The following DOCK4 variants were observed in gnomAD, a reference collection of about 807,000 sequenced individuals.
The protein encoded by DOCK4 is dedicator of cytokinesis 4, also known as dedicator of cytokinesis protein 4.
A neutral mutation model predicts 268.1 loss-of-function variants in DOCK4; 97 were observed. The ratio of observed to expected loss-of-function variants is 0.36; its 90% CI spans 0.31 to 0.43. The LOEUF (loss-of-function observed/expected upper bound fraction) is 0.43, where lower values mean the gene tolerates loss of function less well. Ranked by LOEUF, DOCK4 falls within the 20% of genes least tolerant of loss-of-function variation. DOCK4 has a pLI of 1.00. For missense variants in DOCK4, 2,145 were observed against 2,455.7 expected (o/e 0.87, Z 2.67); for synonymous variants, 954 against 887.2 (o/e 1.08, Z -1.34).
intron 39 of DOCK4, 86 bp from the exon 40 acceptor site, chr7:111,760,408 T>G: frequency 1.5e-6 from 2 of 1,370,596 alleles, no homozygotes; most frequent in South Asian, 2.6e-5. Flanking sequence ...TGGCAGTAAC[T>G]GACCACATGC....
At chr7:111,747,206 A>C in intron 43 of DOCK4, 61 bp downstream of exon 43, 2 of 1,524,820 alleles carry the variant, frequency 1.3e-6, no homozygotes, top group Non-Finnish European at 1.8e-6. Flanking sequence ...AAAAAGATTC[A>C]TGAAACCCTA....
chr7:111,837,375 T>A (rs892896849), intron 25 of DOCK4, among the ~76,000 whole-genome samples: 2 of 152,196 alleles, frequency 1.3e-5, no homozygotes, highest in Non-Finnish European at 2.9e-5. Flanking sequence ...TCACCACCTC[T>A]ATTCAACATT....
In DOCK4 at chr7:111,998,482, C is replaced by T. The variant is rs147439564; in HGVS notation, c.184G>A (p.Val62Ile). Reference protein sequence around the residue: ...NIKGIFPSSYVHLKNACVKNK... With the variant: ...NIKGIFPSSYIHLKNACVKNK... ...TTTACACAGGCATTTTTCAAGTGAA[C>T]GTAGCTGGAAGGAAATATACCCTGG... is the stretch of plus-strand genomic sequence containing the variant. Residue 62 changes from valine (V) to isoleucine (I), a missense_variant, in exon 4 of 53, where the codon GTT (valine) becomes ATT (isoleucine). Physicochemically the swap from Val to Ile is conservative, Grantham distance 29 (BLOSUM62 3). Transcript: ENST00000428084. The T allele has an allele frequency of 5.1e-5, 81 of 1,590,192 alleles. 1 individual carries two copies. In the African/African-American group the frequency reaches 9.4e-4, roughly 18 times the overall value.
At position 111,863,437 on chromosome 7, in the gene DOCK4, G is replaced by C; in HGVS notation, c.2408C>G (p.Ser803Cys). ...SLPTILHVDD[S>C]LQAIKLQCIG... Reference sequence around the variant, plus strand: ...GCACTGCAGTTTGATGGCCTGCAGGGAATCATCCACATGCAGGATGGTCGG... The same window carrying C: ...GCACTGCAGTTTGATGGCCTGCAGGCAATCATCCACATGCAGGATGGTCGG... Residue 803 changes from serine to cysteine, a missense_variant, in exon 23 of 53, where the codon TCC becomes TGC. Ser to Cys is a moderately radical substitution (Grantham distance 112). Coordinates refer to ENST00000428084, the MANE Select transcript of DOCK4 (RefSeq NM_001363540.2). The C allele has an allele frequency of 6.2e-6, 10 of 1,614,028 alleles. No individual in the cohort carries two copies. The highest frequency in any genetic ancestry group is 8.5e-6 in the Non-Finnish European group (10 of 1,179,888).
intron 44 of DOCK4, among the ~76,000 whole-genome samples, chr7:111,744,082 C>T (rs1796109299): frequency 6.6e-6 from 1 of 152,132 alleles, no homozygotes; most frequent in Non-Finnish European, 1.5e-5. Flanking sequence ...ACCTCTGGAC[C>T]TTTAATGGTC....
At chr7:111,732,110 T>A in intron 52 of DOCK4, 116 bp downstream of exon 52, 2 of 1,037,704 alleles carry the variant, frequency 1.9e-6, no homozygotes, top group Non-Finnish European at 2.8e-6. Flanking sequence ...CCCTGATTGA[T>A]AAGTTCTTTG....
chr7:111,771,657 T>C (rs1798132928), intron 36 of DOCK4, among the ~76,000 whole-genome samples: 1 of 152,218 alleles, frequency 6.6e-6, no homozygotes, highest in African/African-American at 2.4e-5. Context: ...GATGATTTCC[T>C]GATGTTTAAT....
chr7:111,753,832 C>T (rs1008105637), intron 42 of DOCK4, among the ~76,000 whole-genome samples: 1 of 152,156 alleles, frequency 6.6e-6, no homozygotes, highest in Non-Finnish European at 1.5e-5. Flanking sequence ...GGGCTGTGTT[C>T]AGGGAACAAA....
chr7:112,020,685 TAAAAAA>T (rs58803593), intron 1 of DOCK4, among the ~76,000 whole-genome samples: 2 of 116,918 alleles, frequency 1.7e-5, no homozygotes, highest in Non-Finnish European at 1.8e-5. Context: ...ACCCTAAAAG[TAAAAAA>T]AAAAAAAAAA....
chr7:112,097,384 A>G (rs963577293), intron 1 of DOCK4, among the ~76,000 whole-genome samples: 1 of 151,918 alleles, frequency 6.6e-6, no homozygotes, highest in African/African-American at 2.4e-5. Context: ...AACCAGACTG[A>G]GCAATGTAGT....
intron 38 of DOCK4, among the ~76,000 whole-genome samples, chr7:111,766,713 C>A (rs1797781274): frequency 6.6e-6 from 1 of 152,140 alleles, no homozygotes; most frequent in Non-Finnish European, 1.5e-5. Flanking sequence ...TATATTGTTA[C>A]AGAAACTTAT....
At chr7:111,880,555 A>G (rs1257973368) in intron 16 of DOCK4, among the ~76,000 whole-genome samples, 1 of 152,190 alleles carries the variant, frequency 6.6e-6, no homozygotes, top group Non-Finnish European at 1.5e-5. Flanking sequence ...AAAAACACAG[A>G]ATAGTATAAT....
At chr7:111,942,882 T>G (rs2134787429) in intron 10 of DOCK4, among the ~76,000 whole-genome samples, 1 of 152,318 alleles carries the variant, frequency 6.6e-6, no homozygotes, top group East Asian at 1.9e-4. Context: ...GTTCCACCTG[T>G]GAGAGGCACC....
chr7:111,997,267 C>G (rs1800043659), intron 4 of DOCK4, among the ~76,000 whole-genome samples: 1 of 152,150 alleles, frequency 6.6e-6, no homozygotes, highest in Non-Finnish European at 1.5e-5. Flanking sequence ...TGCACACTTC[C>G]AAAGGACACA....
At chr7:111,961,431 TAGTG>T (rs1796885976) in intron 8 of DOCK4, among the ~76,000 whole-genome samples, 1 of 152,210 alleles carries the variant, frequency 6.6e-6, no homozygotes, top group South Asian at 2.1e-4. Context: ...CATGCTTTCA[TAGTG>T]AGTGAATGAA....
chr7:111,777,487 C>T (rs1798521139), intron 36 of DOCK4, among the ~76,000 whole-genome samples: 1 of 152,172 alleles, frequency 6.6e-6, no homozygotes, highest in African/African-American at 2.4e-5. Context: ...ATAGGTCTGA[C>T]TATTGAAAGG....
intron 1 of DOCK4, among the ~76,000 whole-genome samples, chr7:112,050,151 G>A (rs1261898732): frequency 6.6e-6 from 1 of 152,092 alleles, no homozygotes; most frequent in Non-Finnish European, 1.5e-5. Context: ...CCTTCTAAAA[G>A]GAGACATTCA....
chr7:111,742,719 C>T (rs752548530), intron 44 of DOCK4, among the ~76,000 whole-genome samples: 26 of 152,300 alleles, frequency 1.7e-4, no homozygotes, highest in Non-Finnish European at 3.2e-4. Context: ...CCTGGCCAGG[C>T]GCGGTGGCTC....
At chr7:112,162,353 A>C (rs1817204716) in intron 1 of DOCK4, among the ~76,000 whole-genome samples, 1 of 152,018 alleles carries the variant, frequency 6.6e-6, no homozygotes, top group African/African-American at 2.4e-5. Context: ...CTTGCCTCAG[A>C]GGAAACACAT....
Sources: allele counts gnomAD v4.1 joint callset (sites outside exome capture counted in the v4.1 genomes callset), GRCh38; gene constraint gnomAD v4.1.1; transcripts MANE v1.5; gene names NCBI Gene and HGNC (gene_info 2026-07-23, HGNC 2026-07-21).